Variants in ARMC8 observed in about 807,000 individuals in gnomAD.
ARMC8 encodes the protein armadillo repeat-containing protein 8.
ARMC8 carries 20 observed loss-of-function variants against 99.3 expected under a neutral mutation model. That is an observed-to-expected ratio of 0.20 (90% CI 0.14 to 0.29). The LOEUF is 0.29. Ranked by LOEUF, ARMC8 falls within the 10% of genes least tolerant of loss-of-function variation. ARMC8 has a pLI of 1.00. For synonymous variants in ARMC8, 263 were observed against 278.3 expected (o/e 0.95, Z 0.55); for missense variants, 569 against 809.5 (o/e 0.70, Z 3.60).
chr3:138,235,202 A>G lies in ARMC8; in HGVS notation c.609+88A>G. The G allele has an allele frequency of 3.2e-6, 3 of 939,832 alleles. No homozygotes were observed. The South Asian group carries it at 4.5e-5, about 14-fold the overall frequency. 58.2% of individuals were successfully genotyped at this position (939,832 alleles called of 1,614,324 possible). On this transcript the variant is annotated intron_variant, in intron 7 of 21. Coordinates refer to ENST00000469044, the MANE Select transcript of ARMC8 (RefSeq NM_001363941.2). ...CACATATTTTTATTGTTTCTTTGATAATTGTGATCAAAAGTAGTATTTTAT... is the reference window on the plus strand; with the variant it reads ...CACATATTTTTATTGTTTCTTTGATGATTGTGATCAAAAGTAGTATTTTAT...
At chr3:138,235,157 G>T in intron 7 of ARMC8, 43 bp downstream of exon 7, 2 of 1,338,734 alleles carry the variant, frequency 1.5e-6, no homozygotes, top group South Asian at 2.4e-5. Flanking sequence ...TACCTTGTTT[G>T]TGATTTCTAG....
intron 17 of ARMC8, among the ~76,000 whole-genome samples, chr3:138,273,821 C>CCTTT: frequency 6.9e-6 from 1 of 145,212 alleles, no homozygotes; most frequent in African/African-American, 2.5e-5. Context: ...ATGCTTCCCC[C>CCTTT]TTTTTTTTTT....
intron 18 of ARMC8, among the ~76,000 whole-genome samples, chr3:138,279,828 G>A (rs1042974867): frequency 2.0e-5 from 3 of 152,092 alleles, no homozygotes; most frequent in Non-Finnish European, 4.4e-5. Flanking sequence ...ACATAAAACG[G>A]TTCATAATTT....
chr3:138,240,055 A>C (rs2046534647), intron 10 of ARMC8, among the ~76,000 whole-genome samples: 2 of 152,156 alleles, frequency 1.3e-5, no homozygotes. Context: ...AAAGTCCTAA[A>C]ACCTGGATTC....
chr3:138,285,401 T>TCATATCCC lies in ARMC8; in HGVS notation c.1821+878_1821+885dup, dbSNP rs1380098849. Among the ~76,000 whole-genome samples the TCATATCCC allele has an allele frequency of 3.3e-5, 5 of 152,184 alleles. 1 individual carries two copies. Among genetic ancestry groups the TCATATCCC allele is most frequent in the Admixed American group, 2.6e-4 (4 of 15,282 alleles). ...TCAAGTCCTACGTGACCTAACCCAT[T>TCATATCCC]CATATCCCCAACTTATCTTATTCCT... On this transcript the variant is annotated intron_variant, in intron 19 of 21. Transcript: ENST00000469044.
intron 2 of ARMC8, among the ~76,000 whole-genome samples, chr3:138,218,972 C>T (rs1439841129): frequency 6.6e-6 from 1 of 152,092 alleles, no homozygotes. Flanking sequence ...TCACTGAATT[C>T]ATTTGTCTTT....
chr3:138,275,310 C>A (rs1182944281), intron 18 of ARMC8, among the ~76,000 whole-genome samples: 1 of 152,174 alleles, frequency 6.6e-6, no homozygotes, highest in African/African-American at 2.4e-5. Context: ...GTAATCCCAG[C>A]ACTTTGGGAG....
chr3:138,283,046 G>T (rs955890034), intron 18 of ARMC8, among the ~76,000 whole-genome samples: 6 of 152,156 alleles, frequency 3.9e-5, no homozygotes, highest in African/African-American at 1.2e-4. Flanking sequence ...TCCTCAACAT[G>T]ATCTAACTGC....
At chr3:138,192,423 G>A (rs1418935833) in intron 1 of ARMC8, among the ~76,000 whole-genome samples, 2 of 151,780 alleles carry the variant, frequency 1.3e-5, no homozygotes, top group African/African-American at 4.8e-5. Context: ...GACTACAGGT[G>A]CCCGCCACCA....
intron 12 of ARMC8, among the ~76,000 whole-genome samples, chr3:138,255,296 G>A (rs1278545364): frequency 3.5e-5 from 5 of 143,914 alleles, no homozygotes; most frequent in African/African-American, 1.3e-4. Flanking sequence ...TCCACCTCCC[G>A]GGCTCAGGCC....
intron 12 of ARMC8, among the ~76,000 whole-genome samples, chr3:138,253,017 A>G (rs368722055): frequency 3.9e-5 from 6 of 152,022 alleles, no homozygotes; most frequent in Non-Finnish European, 5.9e-5. Flanking sequence ...GATTAAAACT[A>G]TGGCTTTGGG....
chr3:138,295,337 C>G (rs1402840589), intron 21 of ARMC8, among the ~76,000 whole-genome samples: 1 of 152,212 alleles, frequency 6.6e-6, no homozygotes. Flanking sequence ...TTCCACGGTT[C>G]TGAGGCATGT....
At chr3:138,227,342 A>G (rs1048691729) in intron 5 of ARMC8, among the ~76,000 whole-genome samples, 6 of 152,206 alleles carry the variant, frequency 3.9e-5, no homozygotes, top group African/African-American at 9.6e-5. Flanking sequence ...TAGGAGCCCA[A>G]TAGAGGCTTT....
intron 1 of ARMC8, among the ~76,000 whole-genome samples, chr3:138,194,630 G>A (rs1007215277): frequency 1.3e-5 from 2 of 151,924 alleles, no homozygotes; most frequent in South Asian, 2.1e-4. Flanking sequence ...GAGCCACCGT[G>A]CCCAGCTGTC....
intron 1 of ARMC8, among the ~76,000 whole-genome samples, chr3:138,200,751 C>T (rs2044009863): frequency 6.6e-6 from 1 of 152,066 alleles, no homozygotes; most frequent in Admixed American, 6.6e-5. Context: ...CAGTGTGTGA[C>T]AGTGTATAGT....
At chr3:138,253,344 T>C (rs1180487625) in intron 12 of ARMC8, among the ~76,000 whole-genome samples, 2 of 152,164 alleles carry the variant, frequency 1.3e-5, no homozygotes, top group African/African-American at 4.8e-5. Flanking sequence ...TACCACCCTA[T>C]GAGATAGTTT....
intron 1 of ARMC8, among the ~76,000 whole-genome samples, chr3:138,198,733 G>C (rs2724682): frequency 1.3e-5 from 2 of 151,784 alleles, no homozygotes; most frequent in Admixed American, 1.3e-4. Context: ...AGGATGGTCT[G>C]TATCTCCTGA....
chr3:138,231,768 A>G (rs2046043949), intron 6 of ARMC8, among the ~76,000 whole-genome samples: 1 of 148,448 alleles, frequency 6.7e-6, no homozygotes, highest in African/African-American at 2.5e-5. Context: ...ACGTAGTGAG[A>G]CCCCCCATCT....
chr3:138,243,897 C>T (rs1479359613), intron 11 of ARMC8, among the ~76,000 whole-genome samples: 2 of 152,126 alleles, frequency 1.3e-5, no homozygotes, highest in Non-Finnish European at 2.9e-5. Context: ...TCCAAAGTAA[C>T]TTCTTTGGGA....
Sources: allele counts gnomAD v4.1 joint callset (sites outside exome capture counted in the v4.1 genomes callset), GRCh38; gene constraint gnomAD v4.1.1; transcripts MANE v1.5; gene names NCBI Gene and HGNC (gene_info 2026-07-23, HGNC 2026-07-21).